Variants in TTC7A observed in about 807,000 individuals in gnomAD.
TTC7A encodes the protein tetratricopeptide repeat protein 7A.
Under a neutral mutation model 103.7 loss-of-function variants are expected in TTC7A, and 110 were observed. That is an observed-to-expected ratio of 1.06 (90% confidence interval 0.91 to 1.24). The LOEUF is 1.24. TTC7A is among the 50% of genes most tolerant of loss of function. The pLI, the probability that TTC7A is intolerant of heterozygous loss-of-function variation, is 0.00. For synonymous variants in TTC7A, 521 were observed against 467.9 expected (o/e 1.11, Z -1.47); for missense variants, 1,340 against 1,116.3 (o/e 1.20, Z -2.86).
intron 15 of TTC7A, among the ~76,000 whole-genome samples, chr2:47,030,667 A>G (rs1680430631): frequency 6.6e-6 from 1 of 152,062 alleles, no homozygotes; most frequent in African/African-American, 2.4e-5. Flanking sequence ...AAGACCCTTG[A>G]GCCTTGACCT....
At chr2:47,017,315 G>T (rs1007528922) in intron 11 of TTC7A, among the ~76,000 whole-genome samples, 4 of 151,518 alleles carry the variant, frequency 2.6e-5, no homozygotes, top group Admixed American at 1.3e-4. Context: ...AGGAGTTCCA[G>T]ACAAGCCTGG....
chr2:47,063,364 T>G (rs1378613927), intron 19 of TTC7A, among the ~76,000 whole-genome samples: 1 of 152,226 alleles, frequency 6.6e-6, no homozygotes, highest in African/African-American at 2.4e-5. Flanking sequence ...TCACCCCCCT[T>G]CAGTCCCTCA....
intron 19 of TTC7A, among the ~76,000 whole-genome samples, chr2:47,072,117 A>G (rs1455653952): frequency 6.6e-6 from 1 of 152,132 alleles, no homozygotes; most frequent in Non-Finnish European, 1.5e-5. Flanking sequence ...GTGTGGGTGG[A>G]ACAGCTAGGC....
At chr2:46,940,423 T>TC (rs994170520), upstream of TTC7A, among the ~76,000 whole-genome samples, 4 of 151,936 alleles carry the variant, frequency 2.6e-5, no homozygotes, top group Admixed American at 6.5e-5. The surrounding 1 kb of genome is among the most constrained non-coding windows in gnomAD (Gnocchi z 4.7). Flanking sequence ...GTAAGAGGTC[T>TC]CCCCCCAAGG....
chr2:47,016,094 A>T (rs1050627439), intron 11 of TTC7A, among the ~76,000 whole-genome samples: 3 of 152,206 alleles, frequency 2.0e-5, no homozygotes, highest in South Asian at 2.1e-4. Context: ...CTTGAAATGG[A>T]AGGCAGTCCT....
chr2:46,982,449 G>C (rs1313355864), intron 5 of TTC7A, among the ~76,000 whole-genome samples: 1 of 152,098 alleles, frequency 6.6e-6, no homozygotes, highest in Non-Finnish European at 1.5e-5. Flanking sequence ...CCTCATGCCT[G>C]GCAGACAGGA....
At chr2:46,928,245 A>C (rs551426258) in intron 2 of TTC7A, among the ~76,000 whole-genome samples, 44 of 152,012 alleles carry the variant, frequency 2.9e-4, no homozygotes, top group African/African-American at 9.9e-4. Flanking sequence ...TTGCAGCTTA[A>C]AATAACACCC....
intron 5 of TTC7A, among the ~76,000 whole-genome samples, chr2:46,990,104 T>C (rs182581780): frequency 1.3e-5 from 2 of 152,342 alleles, no homozygotes; most frequent in East Asian, 3.9e-4. Flanking sequence ...TCCAGCCCTC[T>C]TCAGCCTGCT....
chr2:46,986,708 C>A (rs1471362383), intron 5 of TTC7A, among the ~76,000 whole-genome samples: 1 of 152,174 alleles, frequency 6.6e-6, no homozygotes, highest in Non-Finnish European at 1.5e-5. Flanking sequence ...GTGGACCCAG[C>A]TGCCAGCGAG....
intron 10 of TTC7A, among the ~76,000 whole-genome samples, chr2:47,008,351 C>G (rs187803390): frequency 6.6e-6 from 1 of 152,316 alleles, no homozygotes; most frequent in East Asian, 1.9e-4. Context: ...GGCTCCTAGA[C>G]GCTCTCCAGG....
chr2:46,992,627 A>G (rs1167300071), intron 5 of TTC7A, among the ~76,000 whole-genome samples: 2 of 152,162 alleles, frequency 1.3e-5, no homozygotes, highest in Non-Finnish European at 2.9e-5. Context: ...GTAGGGCTGG[A>G]CTTGAGAGGA....
chr2:46,945,283 T>G (rs753904884), intron 1 of TTC7A, among the ~76,000 whole-genome samples: 1 of 152,134 alleles, frequency 6.6e-6, no homozygotes, highest in Non-Finnish European at 1.5e-5. Flanking sequence ...AGATGGAGTC[T>G]TGCTCTGTTG....
At chr2:47,063,405 C>T (rs1340743480) in intron 19 of TTC7A, among the ~76,000 whole-genome samples, 3 of 152,248 alleles carry the variant, frequency 2.0e-5, no homozygotes, top group Non-Finnish European at 1.5e-5. Flanking sequence ...GCAGTCACAG[C>T]ACCTTTTTCC....
intron 2 of TTC7A, among the ~76,000 whole-genome samples, chr2:46,919,768 G>A (rs990281797): frequency 1.2e-4 from 19 of 152,160 alleles, no homozygotes; most frequent in African/African-American, 4.6e-4. Flanking sequence ...ACAAGGGTGC[G>A]GCTTCCAGAT....
At chr2:46,951,694 A>G in intron 2 of TTC7A, 1 of 456,126 alleles carries the variant, frequency 2.2e-6, no homozygotes. Flanking sequence ...TACAGGAGTG[A>G]GGCACTGCGC....
At chr2:47,070,295 G>C (rs1056194346) in intron 19 of TTC7A, among the ~76,000 whole-genome samples, 1 of 152,254 alleles carries the variant, frequency 6.6e-6, no homozygotes, top group Non-Finnish European at 1.5e-5. Flanking sequence ...TGTGAGCCCA[G>C]ACCCTAGCAA....
In TTC7A at chr2:46,927,884, G is replaced by GTTT. The variant is rs566447236; in HGVS notation, c.82+10632_82+10634dup. Among the ~76,000 whole-genome samples, 67 of 73,304 alleles carry GTTT rather than the reference G, an allele frequency of 9.1e-4. 3 individuals are homozygous for GTTT. The highest frequency in any genetic ancestry group is 1.5e-3 in the African/African-American group (25 of 17,062). 48.1% of individuals were successfully genotyped at this position (73,304 alleles called of 152,430 possible). A position where few individuals can be genotyped will look rare whatever the true frequency, so the allele number is the denominator to read the frequency against. ...ACACTAATATTGGGGTTTTTTTGGT[G>GTTT]TTTTTTTTTTTTTTTTTTTTTTTTT... On this transcript the variant is annotated intron_variant, in intron 2 of 20. Transcript: ENST00000409245.
chr2:46,984,655 G>A (rs1187432809), intron 5 of TTC7A, among the ~76,000 whole-genome samples: 2 of 152,172 alleles, frequency 1.3e-5, no homozygotes, highest in African/African-American at 4.8e-5. Context: ...GAAAGAGGGA[G>A]AGAGACCAGT....
At chr2:46,939,904 C>G (rs1276648804), upstream of TTC7A, among the ~76,000 whole-genome samples, 1 of 152,214 alleles carries the variant, frequency 6.6e-6, no homozygotes, top group Non-Finnish European at 1.5e-5. Flanking sequence ...AGAGCAGCTT[C>G]AGCTTCCCTT....
Sources: allele counts gnomAD v4.1 joint callset (sites outside exome capture counted in the v4.1 genomes callset), GRCh38; gene constraint gnomAD v4.1.1; non-coding constraint Gnocchi (gnomAD v3.1); transcripts MANE v1.5; gene names NCBI Gene and HGNC (gene_info 2026-07-23, HGNC 2026-07-21).